Variants in AVEN observed in about 807,000 individuals in gnomAD.
AVEN encodes the protein cell death regulator Aven.
A neutral mutation model predicts 38.1 loss-of-function variants in AVEN; 41 were observed. The observed-to-expected ratio is 1.08, with a 90% confidence interval of 0.84 to 1.40. AVEN has a LOEUF of 1.40. AVEN is among the 40% of genes most tolerant of loss of function. The pLI is 0.00. For missense variants in AVEN, 605 were observed against 438.8 expected (o/e 1.38, Z -3.38); for synonymous variants, 206 against 171.8 (o/e 1.20, Z -1.56).
intron 5 of AVEN, chr15:34,062,832 G>A (rs762582950): frequency 3.1e-6 from 5 of 1,614,216 alleles, no homozygotes; most frequent in South Asian, 1.1e-5. Context: ...TGTGACTGCT[G>A]TGGTAAGCCT....
At chr15:33,854,971 C>G, downstream of AVEN, 3 of 1,493,976 alleles carry the variant, frequency 2.0e-6, no homozygotes, top group South Asian at 1.4e-5. Context: ...AAAAAAAGAA[C>G]AGCAGGTAGT....
intron 2 of AVEN, among the ~76,000 whole-genome samples, chr15:33,879,103 G>A (rs955549148): frequency 2.0e-5 from 3 of 151,910 alleles, no homozygotes; most frequent in African/African-American, 2.4e-5. Flanking sequence ...ACATGCACAC[G>A]TATGTTTACT....
intron 2 of AVEN, among the ~76,000 whole-genome samples, chr15:33,901,117 C>T (rs2153043146): frequency 6.6e-6 from 1 of 152,178 alleles, no homozygotes; most frequent in Non-Finnish European, 1.5e-5. Flanking sequence ...ATACAAAAAA[C>T]TTGGCTGGGT....
At chr15:33,854,293 T>C, downstream of AVEN, 1 of 936,088 alleles carries the variant, frequency 1.1e-6, no homozygotes, top group Non-Finnish European at 1.7e-6. Context: ...ATTTAGGTTA[T>C]TAAACCTGAG....
chr15:33,865,246 G>T, downstream of AVEN: 1 of 1,542,722 alleles, frequency 6.5e-7, no homozygotes, highest in South Asian at 1.1e-5. Context: ...AAAGAAGCGC[G>T]ACAATTCTGG....
At chr15:33,873,767 T>C (rs566290971) in intron 3 of AVEN, among the ~76,000 whole-genome samples, 2 of 152,218 alleles carry the variant, frequency 1.3e-5, no homozygotes, top group Non-Finnish European at 1.5e-5. Flanking sequence ...AACTTCTTTC[T>C]GCTCTTATTT....
intron 2 of AVEN, among the ~76,000 whole-genome samples, chr15:33,882,639 G>A (rs769419837): frequency 6.6e-6 from 1 of 152,088 alleles, no homozygotes; most frequent in African/African-American, 2.4e-5. Context: ...GGCTGAGGTG[G>A]AAGGATCAAT....
In AVEN at chr15:34,034,440, C is replaced by CT. The variant is rs35115548; in HGVS notation, c.267+4339dup. ...TGAGCAACAAAGTGAGACCCAGTTTCTTTTTTAAAAAAAAAAAAAAAGGAA... is the reference window on the plus strand; with the variant it reads ...TGAGCAACAAAGTGAGACCCAGTTTCTTTTTTTAAAAAAAAAAAAAAAGGAA... On this transcript the variant is annotated intron_variant, in intron 1 of 5. Coordinates refer to ENST00000306730, the MANE Select transcript of AVEN (RefSeq NM_020371.3). Among the ~76,000 whole-genome samples, 541 of 88,510 alleles carry CT rather than the reference C, an allele frequency of 6.1e-3. 1 individual carries two copies. Among genetic ancestry groups the CT allele is most frequent in the African/African-American group, 0.012 (310 of 26,358 alleles). 58.1% of individuals were successfully genotyped at this position (88,510 alleles called of 152,430 possible).
chr15:33,884,953 T>G (rs1000484962), intron 2 of AVEN, among the ~76,000 whole-genome samples: 1 of 152,212 alleles, frequency 6.6e-6, no homozygotes, highest in Non-Finnish European at 1.5e-5. Context: ...ACCTGAATCT[T>G]TGTGGTGTCT....
At chr15:33,943,683 G>A (rs1894401964) in intron 2 of AVEN, among the ~76,000 whole-genome samples, 1 of 152,134 alleles carries the variant, frequency 6.6e-6, no homozygotes, top group Non-Finnish European at 1.5e-5. Context: ...AAATTAGCTA[G>A]GTGTGGTGGC....
downstream of AVEN, among the ~76,000 whole-genome samples, chr15:33,857,174 T>C (rs1189329352): frequency 3.9e-5 from 6 of 152,160 alleles, no homozygotes; most frequent in African/African-American, 1.4e-4. Context: ...TACAGACTGC[T>C]ATTTTGTTAA....
intron 2 of AVEN, among the ~76,000 whole-genome samples, chr15:33,909,927 G>C (rs377016034): frequency 6.6e-6 from 1 of 152,074 alleles, no homozygotes; most frequent in Admixed American, 6.5e-5. Context: ...TCAGGAGTTT[G>C]AGACCAGCCT....
intron 2 of AVEN, among the ~76,000 whole-genome samples, chr15:33,980,875 A>G (rs1896108162): frequency 6.6e-6 from 1 of 152,224 alleles, no homozygotes; most frequent in Admixed American, 6.5e-5. Context: ...ATAATGGAAA[A>G]AATACAGCTA....
At chr15:33,887,854 A>C (rs1365636553) in intron 2 of AVEN, among the ~76,000 whole-genome samples, 1 of 152,152 alleles carries the variant, frequency 6.6e-6, no homozygotes, top group Non-Finnish European at 1.5e-5. Flanking sequence ...CTGACACCTA[A>C]AATGTTGAGT....
chr15:34,069,032 C>T (rs1335877010), intron 2 of AVEN, among the ~76,000 whole-genome samples: 3 of 151,552 alleles, frequency 2.0e-5, no homozygotes, highest in Non-Finnish European at 4.4e-5. Context: ...AGGATGGTCT[C>T]GATCTCCTGA....
intron 1 of AVEN, among the ~76,000 whole-genome samples, chr15:34,013,441 A>T (rs1190112458): frequency 6.6e-6 from 1 of 152,102 alleles, no homozygotes; most frequent in East Asian, 1.9e-4. Context: ...TTTAAGTACA[A>T]CTCTAAGTGG....
intron 5 of AVEN, among the ~76,000 whole-genome samples, chr15:34,048,127 C>A (rs1042539636): frequency 6.6e-6 from 1 of 152,238 alleles, no homozygotes; most frequent in Non-Finnish European, 1.5e-5. Flanking sequence ...CCACTTGCCT[C>A]GGCTTTCCAA....
chr15:33,939,029 G>A (rs1333743432), intron 2 of AVEN, among the ~76,000 whole-genome samples: 2 of 152,130 alleles, frequency 1.3e-5, no homozygotes, highest in Non-Finnish European at 2.9e-5. Flanking sequence ...TTTTAGTAGA[G>A]ACAGGGTTTC....
chr15:33,920,322 C>T (rs1893346493), intron 2 of AVEN, among the ~76,000 whole-genome samples: 1 of 152,180 alleles, frequency 6.6e-6, no homozygotes, highest in Non-Finnish European at 1.5e-5. Flanking sequence ...TGAAACTACA[C>T]TCATTAAACA....
Sources: allele counts gnomAD v4.1 joint callset (sites outside exome capture counted in the v4.1 genomes callset), GRCh38; gene constraint gnomAD v4.1.1; transcripts MANE v1.5; gene names NCBI Gene and HGNC (gene_info 2026-07-23, HGNC 2026-07-21).